BRINP1: variants seen among roughly 807,000 people sequenced by gnomAD.
The protein encoded by BRINP1 is BMP/retinoic acid-inducible neural-specific protein 1.
Under a neutral mutation model 72.9 loss-of-function variants are expected in BRINP1, and 17 were observed. The observed-to-expected ratio is 0.23, with a 90% CI of 0.16 to 0.35. The LOEUF (loss-of-function observed/expected upper bound fraction) is 0.35, where lower values mean the gene tolerates loss of function less well. Among genes scored for constraint, BRINP1 ranks in the 10% least tolerant of loss-of-function variants. The pLI is 1.00. For synonymous variants in BRINP1, 418 were observed against 378.5 expected (o/e 1.10, Z -1.21); for missense variants, 850 against 1,001.6 (o/e 0.85, Z 2.04).
intron 7 of BRINP1, among the ~76,000 whole-genome samples, chr9:119,168,599 T>C (rs1475737790): frequency 6.6e-6 from 1 of 152,244 alleles, no homozygotes; most frequent in East Asian, 1.9e-4. Context: ...GATGACAACA[T>C]ATTGTAAACA....
At chr9:119,233,957 T>C (rs1247386463) in intron 5 of BRINP1, among the ~76,000 whole-genome samples, 1 of 152,218 alleles carries the variant, frequency 6.6e-6, no homozygotes, top group Non-Finnish European at 1.5e-5. Context: ...TCTTCCATAT[T>C]GTTGTATGAA....
chr9:119,256,525 A>T (rs1830450032), intron 2 of BRINP1, among the ~76,000 whole-genome samples: 1 of 152,192 alleles, frequency 6.6e-6, no homozygotes, highest in Admixed American at 6.5e-5. Context: ...CACCTCCTCA[A>T]ATTGTGCTGG....
At position 119,238,744 on chromosome 9, in the gene BRINP1, G is replaced by T; in HGVS notation, c.596C>A (p.Thr199Asn). The change falls in exon 5 of 8, where the codon ACT (threonine) becomes AAT (asparagine). Residue 199 changes from threonine to asparagine, a missense_variant. Physicochemically the swap from Thr to Asn is moderately conservative, Grantham distance 65 (BLOSUM62 0). Transcript: ENST00000265922. ...ATAGCTGTTACAGCCCAGAGGCCCA[G>T]TGCGTGTCTCTGTGACCTGCAGTAG... ...TGAIKVTETR[T>N]GPLGCNSYDN... 6.2e-7 allele frequency: 1 copy of T among 1,608,228 alleles called. No individual in the cohort carries two copies. Among genetic ancestry groups the T allele is most frequent in the Non-Finnish European group, 8.5e-7 (1 of 1,177,046 alleles).
At chr9:119,195,859 T>C (rs1458052325) in intron 7 of BRINP1, among the ~76,000 whole-genome samples, 1 of 152,256 alleles carries the variant, frequency 6.6e-6, no homozygotes, top group African/African-American at 2.4e-5. Context: ...ATCTGTGTCA[T>C]AGCTTCTTAA....
intron 7 of BRINP1, among the ~76,000 whole-genome samples, chr9:119,189,912 C>T (rs923078325): frequency 5.3e-5 from 8 of 151,868 alleles, no homozygotes; most frequent in African/African-American, 1.9e-4. Context: ...GGACAGATCA[C>T]ATGTTAGGCC....
intron 7 of BRINP1, among the ~76,000 whole-genome samples, chr9:119,182,056 A>G (rs1160161219): frequency 9.9e-5 from 15 of 152,194 alleles, no homozygotes; most frequent in Non-Finnish European, 1.5e-5. Context: ...GTAATTATAG[A>G]TTTAAAAACT....
At chr9:119,318,146 G>A (rs946960523) in intron 1 of BRINP1, among the ~76,000 whole-genome samples, 58 of 152,056 alleles carry the variant, frequency 3.8e-4, no homozygotes, top group East Asian at 1.9e-3. Flanking sequence ...AGCTACTCTC[G>A]CTCAGCTGCA....
chr9:119,212,030 C>T (rs1468196839), intron 6 of BRINP1, among the ~76,000 whole-genome samples: 1 of 152,184 alleles, frequency 6.6e-6, no homozygotes, highest in African/African-American at 2.4e-5. Context: ...TAGTAATCAG[C>T]CAAATCTTTC....
At chr9:119,367,170 A>C (rs539244234) in intron 1 of BRINP1, among the ~76,000 whole-genome samples, 1 of 128,968 alleles carries the variant, frequency 7.8e-6, no homozygotes, top group South Asian at 2.9e-4. Context: ...GTTTGCTTTT[A>C]TCTCTCCCCA....
chr9:119,366,819 G>A (rs1158245095), intron 1 of BRINP1, among the ~76,000 whole-genome samples: 2 of 151,958 alleles, frequency 1.3e-5, no homozygotes, highest in Non-Finnish European at 2.9e-5. Context: ...TCCTGGGCAT[G>A]CCACTAACCC....
chr9:119,180,479 ATGTGTGTGTGTGTGTG>A (rs112009324), intron 7 of BRINP1, among the ~76,000 whole-genome samples: 8 of 132,222 alleles, frequency 6.1e-5, no homozygotes, highest in South Asian at 4.7e-4. Flanking sequence ...CTCTCTGTGC[ATGTGTGTGTGTGTGTG>A]TGTGTGTGTG....
intron 1 of BRINP1, among the ~76,000 whole-genome samples, chr9:119,336,112 A>T (rs1190037083): frequency 6.6e-6 from 1 of 152,220 alleles, no homozygotes; most frequent in Non-Finnish European, 1.5e-5. Context: ...ATTGAAAAGA[A>T]AACCCCTCAG....
At chr9:119,367,240 A>ATATATATATATATATATATC (rs1471272813) in intron 1 of BRINP1, among the ~76,000 whole-genome samples, 1 of 142,866 alleles carries the variant, frequency 7.0e-6, no homozygotes, top group East Asian at 2.3e-4. Context: ...ATATATATAT[A>ATATATATATATATATATATC]TATCTTCCTA....
intron 7 of BRINP1, among the ~76,000 whole-genome samples, chr9:119,178,297 A>G (rs1829511746): frequency 6.6e-6 from 1 of 152,328 alleles, no homozygotes; most frequent in East Asian, 1.9e-4. Context: ...GGCCAACTGC[A>G]GAGACAGTGG....
Position 119,282,356 on chromosome 9 carries a change from G to A in BRINP1, c.218+30782C>T, listed in dbSNP as rs112324397. Reference sequence around the variant, plus strand: ...GTGGCCCTGCAAATAAGTAGCATGGGATCCCTTCCGTAAGATCCAGCAAAA... The same window carrying A: ...GTGGCCCTGCAAATAAGTAGCATGGAATCCCTTCCGTAAGATCCAGCAAAA... On this transcript the variant is annotated intron_variant, in intron 2 of 7. Coordinates refer to ENST00000265922, the MANE Select transcript of BRINP1 (RefSeq NM_014618.3). Among the ~76,000 whole-genome samples, 592 of 152,304 alleles carry A rather than the reference G, an allele frequency of 3.9e-3. 3 individuals carry two copies. The highest frequency in any genetic ancestry group is 0.013 in the African/African-American group (534 of 41,566).
chr9:119,216,558 A>T (rs1441876844), intron 5 of BRINP1, among the ~76,000 whole-genome samples: 2 of 152,146 alleles, frequency 1.3e-5, no homozygotes, highest in Non-Finnish European at 2.9e-5. Flanking sequence ...TCTTTTAGTC[A>T]TTTTATCTAT....
intron 1 of BRINP1, among the ~76,000 whole-genome samples, chr9:119,364,739 C>T (rs1831673812): frequency 6.6e-6 from 1 of 152,200 alleles, no homozygotes; most frequent in East Asian, 1.9e-4. Context: ...CTGTATCTGT[C>T]CCACTGGGTG....
chr9:119,366,307 G>C (rs1211373311), intron 1 of BRINP1, among the ~76,000 whole-genome samples: 4 of 152,098 alleles, frequency 2.6e-5, no homozygotes, highest in Non-Finnish European at 5.9e-5. Context: ...TGCACTGGTA[G>C]ATGGGTGTAC....
At chr9:119,354,862 C>G (rs1207402732) in intron 1 of BRINP1, among the ~76,000 whole-genome samples, 1 of 152,108 alleles carries the variant, frequency 6.6e-6, no homozygotes, top group Non-Finnish European at 1.5e-5. Flanking sequence ...GAGTGAGACC[C>G]TGTCTCAGAG....
Sources: gnomAD v4.1 joint callset for allele counts (sites outside exome capture counted in the v4.1 genomes callset) on GRCh38, gnomAD v4.1.1 for gene constraint, MANE v1.5 for transcripts, NCBI Gene and HGNC (gene_info 2026-07-23, HGNC 2026-07-21) for gene names.